PCDHA10: variants seen among roughly 807,000 people sequenced by gnomAD.
PCDHA10 encodes protocadherin alpha-10.
In PCDHA10, 45 loss-of-function variants were observed where a neutral mutation model predicts 61.2. The ratio of observed to expected loss-of-function variants is 0.74; its 90% confidence interval spans 0.58 to 0.94. The LOEUF is 0.94. PCDHA10 is among the 40% of genes least tolerant of loss of function. The pLI is 0.00. For missense variants in PCDHA10, 1,278 were observed against 1,236.2 expected, an observed-to-expected ratio of 1.03 and a Z score of -0.51; for synonymous variants, 602 against 548.8, an observed-to-expected ratio of 1.10 and a Z score of -1.35.
intron 1 of PCDHA10, among the ~76,000 whole-genome samples, chr5:140,938,308 T>C (rs1468853140): frequency 6.6e-6 from 1 of 152,212 alleles, no homozygotes; most frequent in Admixed American, 6.5e-5. Context: ...AAATTCAGTA[T>C]AAAATTGAAT....
At chr5:140,882,944 G>A (rs2059374287) in intron 1 of PCDHA10, 2 of 1,614,088 alleles carry the variant, frequency 1.2e-6, no homozygotes, top group Non-Finnish European at 8.5e-7. Flanking sequence ...GACTGGCACA[G>A]TTCAGCTGCT....
intron 1 of PCDHA10, among the ~76,000 whole-genome samples, chr5:140,977,448 C>G (rs1265708365): frequency 6.6e-6 from 1 of 152,212 alleles, no homozygotes; most frequent in African/African-American, 2.4e-5. Flanking sequence ...ATAATGGAAA[C>G]TCCTTTGATT....
rs145079458 is a variant in PCDHA10, at chr5:140,855,999, T to C, written c.-50T>C. 135 of 1,513,714 alleles carry C rather than the reference T, an allele frequency of 8.9e-5. 2 individuals are homozygous for C. The East Asian group carries it at 2.5e-3, about 28-fold the overall frequency. 93.8% of individuals were successfully genotyped at this position (1,513,714 alleles called of 1,614,324 possible). On this transcript the variant is annotated 5_prime_UTR_variant, in exon 1 of 4. Transcript: ENST00000307360. ...AGGACAGAAAATGTCAGATCGTATG[T>C]GCGTTCTAGACCGCTGATTCGTCGA... is the stretch of plus-strand genomic sequence containing the variant.
intron 1 of PCDHA10, among the ~76,000 whole-genome samples, chr5:140,944,243 A>C (rs1202248629): frequency 2.6e-5 from 4 of 152,208 alleles, no homozygotes; most frequent in Non-Finnish European, 2.9e-5. Context: ...GCTGGAGTGC[A>C]GTGATGTGAT....
At chr5:140,920,381 A>G (rs887594411) in intron 1 of PCDHA10, among the ~76,000 whole-genome samples, 1 of 152,164 alleles carries the variant, frequency 6.6e-6, no homozygotes, top group Non-Finnish European at 1.5e-5. Flanking sequence ...GTGGATTCAT[A>G]TTACCATCTG....
chr5:140,870,485 T>C lies in PCDHA10; in HGVS notation c.2388+12049T>C, dbSNP rs1388283363. 1 of 1,614,118 alleles carries C rather than the reference T, an allele frequency of 6.2e-7. No homozygotes were observed. Among genetic ancestry groups the C allele is most frequent in the South Asian group, 1.1e-5 (1 of 91,094 alleles). On this transcript the variant is annotated intron_variant, in intron 1 of 3. Coordinates refer to ENST00000307360, the MANE Select transcript of PCDHA10 (RefSeq NM_018901.4). The stretch of plus-strand genomic sequence containing the variant: ...GCGTTCGCACAGCCCGAGTACACCG[T>C]GTTCGTGAAGGAGAACAACCCACCA...
At chr5:140,884,503 AGGGAGTT>A (rs782338567) in intron 1 of PCDHA10, 2 of 1,613,940 alleles carry the variant, frequency 1.2e-6, no homozygotes, top group Non-Finnish European at 1.7e-6. Context: ...CCAGCGCGGC[AGGGAGTT>A]GGTCGTACTC....
Position 140,858,304 on chromosome 5 carries a change from G to A in PCDHA10, c.2256G>A (p.Arg752=), listed in dbSNP as rs1370473412. 5 of 1,597,320 alleles carry A rather than the reference G, an allele frequency of 3.1e-6. No homozygotes were observed. In the African/African-American group the frequency reaches 6.7e-5, roughly 21 times the overall value. ...AVGSWSYSQQ[R]RQRVCSGEGL... ...GGAGCTGGTCTTACTCGCAGCAGAG[G>A]CGGCAGAGGGTGTGTTCTGGGGAGG... Residue 752 remains arginine, a synonymous_variant, in exon 1 of 4, where the codon AGG becomes AGA. Transcript: ENST00000307360.
intron 1 of PCDHA10, chr5:140,875,653 C>G (rs1554167829): frequency 1.2e-6 from 2 of 1,613,682 alleles, no homozygotes; most frequent in Non-Finnish European, 8.5e-7. Context: ...GGAGCTGGTG[C>G]CGCGCCTGTT....
chr5:140,947,188 T>C (rs2153678869), intron 1 of PCDHA10, among the ~76,000 whole-genome samples: 1 of 151,448 alleles, frequency 6.6e-6, no homozygotes, highest in South Asian at 2.1e-4. Context: ...CATGGTATAC[T>C]ACACAGCCTT....
intron 1 of PCDHA10, among the ~76,000 whole-genome samples, chr5:140,920,557 G>A (rs1554199669): frequency 6.6e-6 from 1 of 152,158 alleles, no homozygotes; most frequent in African/African-American, 2.4e-5. Flanking sequence ...TCGAAGTGTG[G>A]CCCTTAGGCC....
At chr5:140,997,225 C>T (rs1554255781) in intron 3 of PCDHA10, among the ~76,000 whole-genome samples, 1 of 152,090 alleles carries the variant, frequency 6.6e-6, no homozygotes, top group African/African-American at 2.4e-5. Context: ...CTATCATTAC[C>T]ACCCAACTTC....
intron 1 of PCDHA10, among the ~76,000 whole-genome samples, chr5:140,905,999 G>T (rs781796509): frequency 1.3e-5 from 2 of 152,140 alleles, no homozygotes; most frequent in Non-Finnish European, 2.9e-5. Flanking sequence ...AGGCTGGGAG[G>T]CTAAGCCAGT....
chr5:141,001,518 C>G (rs573560944), intron 3 of PCDHA10, among the ~76,000 whole-genome samples: 2 of 152,272 alleles, frequency 1.3e-5, no homozygotes, highest in East Asian at 1.9e-4. Context: ...AGCTTTCTCC[C>G]TCTCTCTCTG....
chr5:141,005,164 G>T (rs782398186), intron 3 of PCDHA10, among the ~76,000 whole-genome samples: 1 of 152,178 alleles, frequency 6.6e-6, no homozygotes, highest in Non-Finnish European at 1.5e-5. Context: ...TAAAGAGTGG[G>T]TACCACTTTC....
intron 1 of PCDHA10, chr5:140,882,151 G>C (rs529033742): frequency 6.7e-7 from 1 of 1,503,572 alleles, no homozygotes; most frequent in African/African-American, 1.4e-5. Flanking sequence ...AGCAGAAAGC[G>C]GAATACCTCT....
intron 1 of PCDHA10, among the ~76,000 whole-genome samples, chr5:140,914,914 G>A (rs2076876381): frequency 7.0e-6 from 1 of 143,682 alleles, no homozygotes; most frequent in African/African-American, 2.6e-5. Context: ...GTTTCTCTGT[G>A]TCTTATTGTA....
At chr5:140,870,081 T>A (rs782572380) in intron 1 of PCDHA10, 1 of 1,613,698 alleles carries the variant, frequency 6.2e-7, no homozygotes, top group East Asian at 2.2e-5. Flanking sequence ...ATAAGGGGAC[T>A]CCCCCAATGG....
chr5:141,006,636 A>G (rs1322633928), intron 3 of PCDHA10, among the ~76,000 whole-genome samples: 3 of 152,210 alleles, frequency 2.0e-5, no homozygotes, highest in African/African-American at 7.2e-5. Context: ...TGCAATTCAT[A>G]TAAGAGATGA....
Sources: gnomAD v4.1 joint callset for allele counts (sites outside exome capture counted in the v4.1 genomes callset) on GRCh38, gnomAD v4.1.1 for gene constraint, MANE v1.5 for transcripts, NCBI Gene and HGNC (gene_info 2026-07-23, HGNC 2026-07-21) for gene names.